The following TTC8 variants were observed in gnomAD, a reference collection of about 807,000 sequenced individuals.
The protein encoded by TTC8 is tetratricopeptide repeat protein 8.
TTC8 carries 47 observed loss-of-function variants against 72.5 expected under a neutral mutation model. The ratio of observed to expected loss-of-function variants is 0.65; its 90% CI spans 0.51 to 0.83. The LOEUF is 0.83. Among genes scored for constraint, TTC8 ranks in the 40% least tolerant of loss-of-function variants. The pLI is 0.00. For synonymous variants in TTC8, 199 were observed against 221.4 expected, an observed-to-expected ratio of 0.90 and a Z score of 0.90; for missense variants, 611 against 623.2, an observed-to-expected ratio of 0.98 and a Z score of 0.21.
rs543198246 is a variant in TTC8, at chr14:88,845,455, G to T, written c.624+1605G>T. Among the ~76,000 whole-genome samples, 24 of 152,218 alleles carry T rather than the reference G, an allele frequency of 1.6e-4. No homozygotes were observed. The South Asian group carries it at 4.8e-3, about 30-fold the overall frequency. ...GGGAGATGTGACATTGAAATGTAGG[G>T]GACAGCCTGGGCCACATGTATAGAA... On this transcript the variant is annotated intron_variant, in intron 7 of 14. Transcript: ENST00000380656.
chr14:88,852,822 A>T lies in TTC8; in HGVS notation c.625-149A>T, dbSNP rs1223331934. 5.9e-6 allele frequency: 4 copies of T among 681,448 alleles called. No individual in the cohort carries two copies. The African/African-American group carries it at 7.2e-5, about 12-fold the overall frequency. The allele number at this position is 681,448 out of a possible 1,614,324, so 42.2% of individuals were successfully genotyped here. On this transcript the variant is annotated intron_variant, in intron 7 of 14. Coordinates refer to ENST00000380656, the MANE Select transcript of TTC8 (RefSeq NM_144596.4). Reference sequence around the variant, plus strand: ...CTGATTAGTGAAAATTGGTGGGGCCATCTGGAAACATGAGCAACTTGAGTT... The same window carrying T: ...CTGATTAGTGAAAATTGGTGGGGCCTTCTGGAAACATGAGCAACTTGAGTT...
intron 10 of TTC8, 136 bp from the exon 11 acceptor site, chr14:88,869,923 G>C: frequency 1.2e-6 from 1 of 835,622 alleles, no homozygotes; most frequent in Non-Finnish European, 1.9e-6. Context: ...GTATCCCCAG[G>C]GTCTAGAATG....
At chr14:88,831,599 G>C (rs1427579266) in intron 1 of TTC8, among the ~76,000 whole-genome samples, 1 of 152,168 alleles carries the variant, frequency 6.6e-6, no homozygotes, top group Admixed American at 6.5e-5. Flanking sequence ...AAATGGTGAT[G>C]ATAGTATACC....
rs960328465 is a variant in TTC8 at position 88,859,121 on chromosome 14, G to T, written c.798+1844G>T. On this transcript the variant is annotated intron_variant, in intron 9 of 14. Coordinates refer to ENST00000380656, the MANE Select transcript of TTC8 (RefSeq NM_144596.4). ...TTATTCCCTACACAACTATATAGAGGTAGAATATACAGTTTTTCTTTAATG... is the reference window on the plus strand; with the variant it reads ...TTATTCCCTACACAACTATATAGAGTTAGAATATACAGTTTTTCTTTAATG... Among the ~76,000 whole-genome samples, 4 of 152,106 alleles carry T rather than the reference G, an allele frequency of 2.6e-5. No homozygotes were observed. In the South Asian group the frequency reaches 8.3e-4, roughly 32 times the overall value.
At chr14:88,833,957 A>C (rs2094738301) in intron 2 of TTC8, 1 of 545,104 alleles carries the variant, frequency 1.8e-6, no homozygotes. Context: ...TGGGACTTGG[A>C]GCTTAAATGG....
At chr14:88,879,637 G>A (rs1178572398), downstream of TTC8, 1 of 148,770 alleles carries the variant, frequency 6.7e-6, no homozygotes, top group Non-Finnish European at 1.5e-5. Context: ...ATTAATAAAG[G>A]TAACGTGTCA....
In TTC8 at chr14:88,871,774, A is replaced by G. The variant is rs2094935184; in HGVS notation, c.1224+51A>G. 6.3e-7 allele frequency: 1 copy of G among 1,594,060 alleles called. No homozygotes were observed. The highest frequency in any genetic ancestry group is 8.6e-7 in the Non-Finnish European group (1 of 1,162,696). On this transcript the variant is annotated intron_variant, in intron 12 of 14. Transcript: ENST00000380656. The surrounding 1 kb of genome is among the most constrained non-coding windows in gnomAD (Gnocchi z 4.1). ...CTGTTATAGAAAGTTGGTTTGAGCCAGACACAGTGGCTCATGCCTATAATT... is the reference window on the plus strand; with the variant it reads ...CTGTTATAGAAAGTTGGTTTGAGCCGGACACAGTGGCTCATGCCTATAATT...
rs1390636663 is a variant in TTC8 at position 88,824,791 on chromosome 14, G to A, written c.84G>A (p.Thr28=). ...TCCAGCTCTGCGCCGATCTATGCACGCAGATGCTGGAGAAGTCCCCTTATG... is the reference window on the plus strand; with the variant it reads ...TCCAGCTCTGCGCCGATCTATGCACACAGATGCTGGAGAAGTCCCCTTATG... ...RKFQLCADLC[T]QMLEKSPYDQ... is the part of the protein sequence containing the mutation. Residue 28 remains threonine (T), a synonymous_variant, in exon 1 of 15, where the codon ACG becomes ACA. Transcript: ENST00000380656. 1.9e-6 allele frequency: 3 copies of A among 1,613,288 alleles called. No homozygotes were observed. The highest frequency in any genetic ancestry group is 2.5e-6 in the Non-Finnish European group (3 of 1,179,752).
At chr14:88,875,137 T>C (rs2141044618) in intron 14 of TTC8, 28 bp downstream of exon 14, 1 of 1,548,028 alleles carries the variant, frequency 6.5e-7, no homozygotes, top group East Asian at 2.2e-5. Flanking sequence ...TAATTTATCA[T>C]CTGATCTGTT....
intron 8 of TTC8, among the ~76,000 whole-genome samples, chr14:88,855,720 A>G (rs559040461): frequency 6.6e-6 from 1 of 152,356 alleles, no homozygotes; most frequent in South Asian, 2.1e-4. Flanking sequence ...AGATAAAAAT[A>G]CACAGACTCT....
intron 2 of TTC8, among the ~76,000 whole-genome samples, chr14:88,838,432 A>G (rs989905431): frequency 2.0e-5 from 3 of 152,140 alleles, no homozygotes; most frequent in African/African-American, 7.2e-5. Context: ...TTCCTTTCGC[A>G]GTCCCTTGGC....
intron 7 of TTC8, among the ~76,000 whole-genome samples, chr14:88,852,248 T>G (rs539443340): frequency 6.6e-6 from 1 of 152,312 alleles, no homozygotes; most frequent in South Asian, 2.1e-4. Context: ...TTCTAATTCT[T>G]TTTTAGTCAC....
intron 12 of TTC8, among the ~76,000 whole-genome samples, chr14:88,872,103 A>G (rs1276211063): frequency 1.3e-5 from 2 of 152,160 alleles, no homozygotes; most frequent in Admixed American, 1.3e-4. Flanking sequence ...ATTATCCTAC[A>G]TCCAGGTTTG....
rs185143582 is a variant in TTC8, at chr14:88,876,905, C to T, written c.1432-389C>T. On this transcript the variant is annotated intron_variant, in intron 14 of 14. Transcript: ENST00000380656. ...TTACAGATAGTTTTCTCTAAGTTTT[C>T]TGAGCTATCTAGAGCTGGCTGTTTC... Among the ~76,000 whole-genome samples the T allele has an allele frequency of 5.1e-3, 776 of 152,166 alleles. 12 individuals carry two copies. The highest frequency in any genetic ancestry group is 4.7e-3 in the Non-Finnish European group (320 of 67,972).
rs1375783683 is a variant in TTC8, at chr14:88,871,684, G to C, written c.1185G>C (p.Glu395Asp). Residue 395 changes from glutamate (E) to aspartate (D), a missense_variant, in exon 12 of 15, where the codon GAG becomes GAC. By Grantham distance (45) the Glu-to-Asp change is conservative. Coordinates refer to ENST00000380656, the MANE Select transcript of TTC8 (RefSeq NM_144596.4). The surrounding 1 kb of genome is among the most constrained non-coding windows in gnomAD (Gnocchi z 4.1). ...TTTCTTTGGCTGAAAATGAAGAAGA[G>C]GCAGCTGATGTCTGGTACAACTTGG... ...RALSLAENEE[E>D]AADVWYNLGH... 6.2e-7 allele frequency: 1 copy of C among 1,614,120 alleles called. No individual in the cohort carries two copies. Among genetic ancestry groups the C allele is most frequent in the Admixed American group, 1.7e-5 (1 of 60,008 alleles).
At chr14:88,854,727 C>T (rs1342585971) in intron 8 of TTC8, among the ~76,000 whole-genome samples, 1 of 151,808 alleles carries the variant, frequency 6.6e-6, no homozygotes, top group Non-Finnish European at 1.5e-5. Flanking sequence ...GCTCTTTCAC[C>T]CAGGCTGGAG....
At chr14:88,868,681 A>G (rs1006446406) in intron 10 of TTC8, among the ~76,000 whole-genome samples, 4 of 152,164 alleles carry the variant, frequency 2.6e-5, no homozygotes, top group Non-Finnish European at 5.9e-5. Flanking sequence ...TGTAGTTGTC[A>G]TAGTCTGTTT....
At chr14:88,857,648 A>G (rs1270120255) in intron 9 of TTC8, among the ~76,000 whole-genome samples, 1 of 152,108 alleles carries the variant, frequency 6.6e-6, no homozygotes, top group African/African-American at 2.4e-5. Flanking sequence ...TTAGGTTCCT[A>G]GTTACTCGGC....
intron 7 of TTC8, among the ~76,000 whole-genome samples, chr14:88,852,414 A>G (rs1353348439): frequency 6.6e-6 from 1 of 152,248 alleles, no homozygotes; most frequent in Non-Finnish European, 1.5e-5. Context: ...CTGGGACTTA[A>G]GGTGATGTCA....
Sources: gnomAD v4.1 joint callset for allele counts (sites outside exome capture counted in the v4.1 genomes callset) on GRCh38, gnomAD v4.1.1 for gene constraint, Gnocchi (gnomAD v3.1) non-coding constraint, MANE v1.5 for transcripts, NCBI Gene and HGNC (gene_info 2026-07-23, HGNC 2026-07-21) for gene names.